The following PCDH15 variants were observed in gnomAD, a reference collection of about 807,000 sequenced individuals.
PCDH15 encodes protocadherin related 15.
Under a neutral mutation model 178.5 loss-of-function variants are expected in PCDH15, and 129 were observed. The observed-to-expected ratio is 0.72, with a 90% confidence interval of 0.63 to 0.84. The LOEUF (loss-of-function observed/expected upper bound fraction) is 0.84. PCDH15 is among the 40% of genes least tolerant of loss of function. The pLI is 0.00. For missense variants in PCDH15, 2,230 were observed against 2,099.9 expected, an observed-to-expected ratio of 1.06 and a Z score of -1.21; for synonymous variants, 800 against 732.0, an observed-to-expected ratio of 1.09 and a Z score of -1.50.
chr10:55,557,052 T>C (rs1842104414), intron 2 of PCDH15, among the ~76,000 whole-genome samples: 2 of 152,192 alleles, frequency 1.3e-5, no homozygotes, highest in Admixed American at 1.3e-4. Flanking sequence ...TGCTTACATT[T>C]TGTGCAAACA....
At chr10:54,789,612 GAT>G (rs1951202160) in intron 1 of PCDH15, among the ~76,000 whole-genome samples, 1 of 151,842 alleles carries the variant, frequency 6.6e-6, no homozygotes, top group Non-Finnish European at 1.5e-5. Context: ...TTGACATTAA[GAT>G]ATTCAGTAAG....
At chr10:55,504,981 G>A (rs117651057) in intron 2 of PCDH15, among the ~76,000 whole-genome samples, 7,989 of 151,416 alleles carry the variant, frequency 0.053, 263 homozygotes, top group Non-Finnish European at 0.072. Flanking sequence ...GTTTTGTAGC[G>A]TATTAACAAA....
rs150490287 is a variant in PCDH15, at chr10:55,572,005, TATC to T, written c.-156+55617_-156+55619del. On this transcript the variant is annotated intron_variant, in intron 2 of 5. Coordinates refer to the PCDH15 transcript ENST00000613346. ...CAAATAATTCTGATTGTAACAAAAA[TATC>T]ATTTTAATTGTTTTCAATATTTTAT... is the stretch of plus-strand genomic sequence containing the variant. Among the ~76,000 whole-genome samples the T allele has an allele frequency of 4.6e-3, 702 of 152,154 alleles. 6 individuals are homozygous for T. The highest frequency in any genetic ancestry group is 0.016 in the African/African-American group (669 of 41,540).
At position 54,699,077 on chromosome 10, in the gene PCDH15, T is replaced by C. The variant is rs75809380; in HGVS notation, c.-28-34787A>G. Among the ~76,000 whole-genome samples, 183 of 152,248 alleles carry C rather than the reference T, an allele frequency of 1.2e-3. 4 individuals carry two copies. In the East Asian group the frequency reaches 0.033, roughly 28 times the overall value. ...ACAGCATTGGTTTACCCAAAATCTG[T>C]TTCTGTGCTTAGAATAAAGATCTAG... On this transcript the variant is annotated intron_variant, in intron 1 of 37. Transcript: ENST00000644397.
chr10:53,891,134 C>T lies in PCDH15; in HGVS notation c.3501+12109G>A, dbSNP rs189896546. 2.0e-3 allele frequency among the ~76,000 whole-genome samples: 205 copies of T among 104,012 alleles called. 1 individual carries two copies. Among genetic ancestry groups the T allele is most frequent in the Middle Eastern group, 5.9e-3 (1 of 170 alleles). The allele number at this position is 104,012 out of a possible 152,430, so 68.2% of individuals were successfully genotyped here. A position where few individuals can be genotyped will look rare whatever the true frequency, so the allele number is the denominator to read the frequency against. On this transcript the variant is annotated intron_variant, in intron 26 of 37. Transcript: ENST00000644397. ...GTGTTATAGATCTCCTGTGTCAGGT[C>T]AGTACAGCACAAAGTTAATGGAGGT... is the stretch of plus-strand genomic sequence containing the variant.
At chr10:54,765,227 C>T (rs770235560) in intron 1 of PCDH15, among the ~76,000 whole-genome samples, 1 of 152,072 alleles carries the variant, frequency 6.6e-6, no homozygotes, top group African/African-American at 2.4e-5. Context: ...GCAAGTAATT[C>T]CTGTATCCAT....
Position 54,916,148 on chromosome 10 carries a change from T to A in PCDH15, c.-79-18648A>T, listed in dbSNP as rs143758873. On this transcript the variant is annotated intron_variant, in intron 2 of 5. Transcript: ENST00000458638. ...AACCATGCCTGGCTAATTTTTCTATTTTTAGTAGGGATGGGTTTCACCATA... is the reference window on the plus strand; with the variant it reads ...AACCATGCCTGGCTAATTTTTCTATATTTAGTAGGGATGGGTTTCACCATA... Among the ~76,000 whole-genome samples the A allele has an allele frequency of 5.8e-3, 877 of 152,074 alleles. 6 individuals are homozygous for A. The highest frequency in any genetic ancestry group is 0.02 in the African/African-American group (821 of 41,454).
chr10:54,483,531 G>A, intron 3 of PCDH15, among the ~76,000 whole-genome samples: 1 of 151,548 alleles, frequency 6.6e-6, no homozygotes, highest in Non-Finnish European at 1.5e-5. Flanking sequence ...TTATTAAATT[G>A]AGATTCTCAG....
intron 3 of PCDH15, among the ~76,000 whole-genome samples, chr10:54,487,680 T>C (rs569499674): frequency 6.6e-6 from 1 of 152,124 alleles, no homozygotes; most frequent in East Asian, 1.9e-4. Context: ...CAATTACTTC[T>C]AAAGGTTATT....
Position 55,442,484 on chromosome 10 carries a change from T to TATATATATATATATATTATATATATATA in PCDH15, c.-156+185140_-156+185141insTATATATATATAATATATATATATATAT, listed in dbSNP as rs1839218000. On this transcript the variant is annotated intron_variant, in intron 2 of 5. Transcript: ENST00000613346. ...ATATATATATATTATATATATATTA[T>TATATATATATATATATTATATATATATA]ATATATATATATATATGTAAGCTGG... is the stretch of plus-strand genomic sequence containing the variant. Among the ~76,000 whole-genome samples, 27 of 123,068 alleles carry TATATATATATATATATTATATATATATA rather than the reference T, an allele frequency of 2.2e-4. No homozygotes were observed. In the East Asian group the frequency reaches 5.1e-3, roughly 23 times the overall value. 80.7% of individuals were successfully genotyped at this position (123,068 alleles called of 152,430 possible).
chr10:55,000,169 TA>T (rs2131928853), intron 2 of PCDH15, among the ~76,000 whole-genome samples: 1 of 152,302 alleles, frequency 6.6e-6, no homozygotes, highest in East Asian at 1.9e-4. Context: ...CTCATTCTAA[TA>T]AGCCTGGGAG....
intron 1 of PCDH15, among the ~76,000 whole-genome samples, chr10:54,795,175 CTAACT>C (rs1028171579): frequency 4.6e-5 from 7 of 151,526 alleles, no homozygotes; most frequent in African/African-American, 1.7e-4. Flanking sequence ...TACTTTTTTT[CTAACT>C]TAATGGTCCA....
At chr10:54,360,124 AAACC>A (rs780313979) in intron 5 of PCDH15, among the ~76,000 whole-genome samples, 1 of 152,048 alleles carries the variant, frequency 6.6e-6, no homozygotes, top group Non-Finnish European at 1.5e-5. Context: ...CTTTCCCAGG[AAACC>A]AACCATTAGA....
intron 1 of PCDH15, among the ~76,000 whole-genome samples, chr10:55,315,699 G>A (rs1843707316): frequency 6.6e-6 from 1 of 152,106 alleles, no homozygotes; most frequent in African/African-American, 2.4e-5. Flanking sequence ...CAGGAGTAAT[G>A]AAGTCTGCAA....
Position 53,995,662 on chromosome 10 carries a change from T to A in PCDH15, c.2855A>T (p.Asp952Val), listed in dbSNP as rs780873014. 6.2e-7 allele frequency: 1 copy of A among 1,613,992 alleles called. No individual in the cohort carries two copies. The highest frequency in any genetic ancestry group is 8.5e-7 in the Non-Finnish European group (1 of 1,179,848). ...GTPITTVYAE[D>V]ADPPGLPASR... is the part of the protein sequence containing the mutation. The stretch of plus-strand genomic sequence containing the variant: ...CCTTCTACTTACAGGAGGGTCTGCA[T>A]CTTCAGCATAAACTGTTGTGATAGG... Residue 952 changes from aspartate to valine, a missense_variant, in exon 21 of 38, where the codon GAT becomes GTT. Transcript: ENST00000644397.
intron 2 of PCDH15, among the ~76,000 whole-genome samples, chr10:55,054,826 G>A (rs1841257037): frequency 6.6e-6 from 1 of 152,158 alleles, no homozygotes; most frequent in African/African-American, 2.4e-5. Flanking sequence ...TTTGAAAAGT[G>A]TCTGTTCATA....
At chr10:55,003,657 G>A (rs762813925) in intron 2 of PCDH15, among the ~76,000 whole-genome samples, 1 of 152,118 alleles carries the variant, frequency 6.6e-6, no homozygotes, top group African/African-American at 2.4e-5. Context: ...GTTATAATAG[G>A]ACACAATTGT....
intron 3 of PCDH15, among the ~76,000 whole-genome samples, chr10:54,821,842 T>A (rs1953046969): frequency 6.6e-6 from 1 of 152,136 alleles, no homozygotes; most frequent in Non-Finnish European, 1.5e-5. Context: ...TGGAGGAATT[T>A]TTTTTTATGC....
chr10:54,412,869 G>T (rs1273502683), intron 3 of PCDH15, among the ~76,000 whole-genome samples: 1 of 152,118 alleles, frequency 6.6e-6, no homozygotes. Flanking sequence ...TTAAAGGCAT[G>T]AGCCACCACG....
Sources: gnomAD v4.1 joint callset for allele counts (sites outside exome capture counted in the v4.1 genomes callset) on GRCh38, gnomAD v4.1.1 for gene constraint, MANE v1.5 for transcripts, NCBI Gene and HGNC (gene_info 2026-07-23, HGNC 2026-07-21) for gene names.